Variants in LRRC7 observed in about 807,000 individuals in gnomAD.
LRRC7 encodes the protein leucine-rich repeat-containing protein 7.
LRRC7 carries 23 observed loss-of-function variants against 175.7 expected under a neutral mutation model. The ratio of observed to expected loss-of-function variants is 0.13; its 90% CI spans 0.09 to 0.19. LRRC7 has a LOEUF of 0.19. Among genes scored for constraint, LRRC7 ranks in the 10% least tolerant of loss-of-function variants. LRRC7 has a pLI of 1.00. For missense variants in LRRC7, 1,354 were observed against 1,904.7 expected, an observed-to-expected ratio of 0.71 and a Z score of 5.38; for synonymous variants, 685 against 680.9, an observed-to-expected ratio of 1.01 and a Z score of -0.09.
rs1272985245 is a variant in LRRC7, at chr1:70,128,120, C to G, written c.*6233C>G. On this transcript the variant is annotated 3_prime_UTR_variant, in exon 27 of 27. Transcript: ENST00000651989. ...GGGATTACAGGTGCGTGCCACCACA[C>G]TGGGCTAATTTTTGTATTTTTAGTA... is the stretch of plus-strand genomic sequence containing the variant. Among the ~76,000 whole-genome samples the G allele has an allele frequency of 6.6e-6, 1 of 152,134 alleles. No individual in the cohort carries two copies. Among genetic ancestry groups the G allele is most frequent in the Non-Finnish European group, 1.5e-5 (1 of 68,028 alleles).
intron 8 of LRRC7, among the ~76,000 whole-genome samples, chr1:69,965,623 A>C (rs1049810743): frequency 6.6e-6 from 1 of 152,046 alleles, no homozygotes; most frequent in East Asian, 1.9e-4. Flanking sequence ...TTTTTAAAAA[A>C]TTTTAAAAAT....
At chr1:69,973,687 G>A (rs1652509817) in intron 8 of LRRC7, among the ~76,000 whole-genome samples, 1 of 152,160 alleles carries the variant, frequency 6.6e-6, no homozygotes, top group African/African-American at 2.4e-5. Flanking sequence ...GTAGGTTCAA[G>A]CGATCCTCCT....
chr1:69,665,583 C>T (rs774969146), intron 1 of LRRC7, among the ~76,000 whole-genome samples: 33 of 151,886 alleles, frequency 2.2e-4, no homozygotes, highest in Non-Finnish European at 3.7e-4. Context: ...TATTTGTAGC[C>T]ATTGTGAATG....
chr1:70,071,019 A>G (rs952583052), intron 23 of LRRC7, among the ~76,000 whole-genome samples: 1 of 152,168 alleles, frequency 6.6e-6, no homozygotes, highest in African/African-American at 2.4e-5. Context: ...CATCCTCACA[A>G]GGGTAGAAGT....
At chr1:69,787,581 G>A (rs1674621008) in intron 3 of LRRC7, among the ~76,000 whole-genome samples, 1 of 152,194 alleles carries the variant, frequency 6.6e-6, no homozygotes, top group Non-Finnish European at 1.5e-5. Flanking sequence ...ACACCAAGTG[G>A]AAGCTGCCAA....
intron 2 of LRRC7, among the ~76,000 whole-genome samples, chr1:69,697,108 T>G (rs1662704090): frequency 1.3e-5 from 2 of 152,328 alleles, no homozygotes; most frequent in African/African-American, 4.8e-5. Flanking sequence ...CTATCTAATT[T>G]GTCTCATAAA....
intron 1 of LRRC7, among the ~76,000 whole-genome samples, chr1:69,570,124 C>A (rs2100870613): frequency 6.6e-6 from 1 of 152,086 alleles, no homozygotes; most frequent in Middle Eastern, 3.4e-3. Context: ...CATATTCTAA[C>A]CTAGGCGAAA....
intron 6 of LRRC7, among the ~76,000 whole-genome samples, chr1:69,836,232 T>C (rs1207485106): frequency 1.3e-5 from 2 of 152,000 alleles, no homozygotes; most frequent in Non-Finnish European, 2.9e-5. Flanking sequence ...ATTCCCTTAC[T>C]TTTGCAGATC....
intron 7 of LRRC7, among the ~76,000 whole-genome samples, chr1:69,926,027 C>A (rs1647061341): frequency 6.6e-6 from 1 of 151,896 alleles, no homozygotes; most frequent in Non-Finnish European, 1.5e-5. Context: ...TTTCAAAGAA[C>A]ATCTTTATTT....
intron 2 of LRRC7, among the ~76,000 whole-genome samples, chr1:69,725,227 T>C (rs1370248660): frequency 6.6e-6 from 1 of 152,138 alleles, no homozygotes; most frequent in Non-Finnish European, 1.5e-5. Flanking sequence ...ATAAAGGTCT[T>C]CATCCTTGTC....
At chr1:69,752,018 A>G (rs772398895) in intron 2 of LRRC7, among the ~76,000 whole-genome samples, 5 of 152,102 alleles carry the variant, frequency 3.3e-5, no homozygotes, top group Non-Finnish European at 5.9e-5. Context: ...AGACTTTCCG[A>G]TATTGTGATA....
At chr1:69,699,921 G>A (rs1301480085) in intron 2 of LRRC7, among the ~76,000 whole-genome samples, 1 of 152,196 alleles carries the variant, frequency 6.6e-6, no homozygotes, top group African/African-American at 2.4e-5. Context: ...TTTATTTCCA[G>A]CTGGCTGAGG....
intron 3 of LRRC7, among the ~76,000 whole-genome samples, chr1:69,771,812 A>G (rs2100987347): frequency 6.6e-6 from 1 of 152,282 alleles, no homozygotes; most frequent in African/African-American, 2.4e-5. Context: ...AGGTGATGGC[A>G]AACGCCATTA....
At chr1:69,688,658 T>C (rs930705192) in intron 2 of LRRC7, among the ~76,000 whole-genome samples, 1 of 151,266 alleles carries the variant, frequency 6.6e-6, no homozygotes, top group Non-Finnish European at 1.5e-5. Flanking sequence ...AAAAAACCTC[T>C]TAGAAGCCTT....
At chr1:69,650,727 T>TATA (rs3040034) in intron 1 of LRRC7, among the ~76,000 whole-genome samples, 110,975 of 151,360 alleles carry the variant, frequency 0.73, 41,067 homozygotes, top group African/African-American at 0.81. Context: ...CTAAACAAAA[T>TATA]ATGTTGTGCA....
chr1:69,620,383 T>C (rs971412477), intron 1 of LRRC7, among the ~76,000 whole-genome samples: 16 of 152,194 alleles, frequency 1.1e-4, no homozygotes, highest in Non-Finnish European at 1.9e-4. Context: ...TTTAAACATA[T>C]ATAAAAATTC....
At chr1:69,763,603 G>T (rs764855929) in intron 3 of LRRC7, among the ~76,000 whole-genome samples, 31 of 151,950 alleles carry the variant, frequency 2.0e-4, no homozygotes, top group Admixed American at 7.9e-4. Flanking sequence ...GGGGTGGAAA[G>T]GGTAAAATGG....
At chr1:69,933,528 G>A (rs1051630062) in intron 8 of LRRC7, among the ~76,000 whole-genome samples, 1 of 151,828 alleles carries the variant, frequency 6.6e-6, no homozygotes, top group South Asian at 2.1e-4. Flanking sequence ...AACATGGAGG[G>A]TACCTTTGGG....
intron 23 of LRRC7, among the ~76,000 whole-genome samples, chr1:70,067,099 G>A (rs550352483): frequency 6.6e-6 from 1 of 151,844 alleles, no homozygotes; most frequent in South Asian, 2.1e-4. Context: ...ATGTCTCTTC[G>A]CATCTTTTGC....
Sources: gnomAD v4.1 joint callset for allele counts (sites outside exome capture counted in the v4.1 genomes callset) on GRCh38, gnomAD v4.1.1 for gene constraint, MANE v1.5 for transcripts, NCBI Gene and HGNC (gene_info 2026-07-23, HGNC 2026-07-21) for gene names.